Variants in HS6ST3 observed in about 807,000 individuals in gnomAD.
HS6ST3 encodes heparan-sulfate 6-O-sulfotransferase 3.
Under a neutral mutation model 36.7 loss-of-function variants are expected in HS6ST3, and 12 were observed. That is an observed-to-expected ratio of 0.33 (90% CI 0.21 to 0.53). HS6ST3 has a LOEUF of 0.53. Ranked by LOEUF, HS6ST3 falls within the 20% of genes least tolerant of loss-of-function variation. The pLI, the probability that HS6ST3 is intolerant of heterozygous loss-of-function variation, is 0.95. For synonymous variants in HS6ST3, 240 were observed against 257.5 expected (o/e 0.93, Z 0.65); for missense variants, 584 against 640.9 (o/e 0.91, Z 0.96).
chr13:96,473,184 A>G (rs1433712064), intron 1 of HS6ST3, among the ~76,000 whole-genome samples: 1 of 152,162 alleles, frequency 6.6e-6, no homozygotes, highest in Non-Finnish European at 1.5e-5. Context: ...CCATTGACTG[A>G]TATGTAGTTA....
At chr13:96,400,558 G>A (rs2055446135) in intron 1 of HS6ST3, among the ~76,000 whole-genome samples, 1 of 152,124 alleles carries the variant, frequency 6.6e-6, no homozygotes, top group South Asian at 2.1e-4. Flanking sequence ...CTGTTGATGG[G>A]CACTGGGGAG....
rs1353638732 is a variant in HS6ST3 at position 96,091,171 on chromosome 13, A to G, written c.309A>G (p.Glu103=). The G allele has an allele frequency of 1.9e-5, 30 of 1,547,172 alleles. No homozygotes were observed. The highest frequency in any genetic ancestry group is 4.1e-5 in the African/African-American group (3 of 72,844). The change falls in exon 1 of 2, where the codon GAA becomes GAG. Residue 103 remains glutamate (E), a synonymous_variant. Transcript: ENST00000376705. ...EEPGDPREGE[E]EEEEDEPDPE... is the part of the protein sequence containing the mutation. ...CCGGAGACCCCCGGGAGGGGGAGGA[A>G]GAGGAGGAGGAAGACGAGCCGGACC...
At chr13:96,420,917 C>T (rs898540692) in intron 1 of HS6ST3, among the ~76,000 whole-genome samples, 3 of 152,158 alleles carry the variant, frequency 2.0e-5, no homozygotes, top group Non-Finnish European at 4.4e-5. Flanking sequence ...GTTTTCTTAG[C>T]TCCAGTTTGA....
rs2053759279 is a variant in HS6ST3, at chr13:96,091,003, C to G, written c.141C>G (p.Gly47=). 2 of 1,299,408 alleles carry G rather than the reference C, an allele frequency of 1.5e-6. No homozygotes were observed. The highest frequency in any genetic ancestry group is 2.0e-6 in the Non-Finnish European group (2 of 1,018,878). 80.5% of individuals were successfully genotyped at this position (1,299,408 alleles called of 1,614,324 possible). A position where few individuals can be genotyped will look rare whatever the true frequency, so the allele number is the denominator to read the frequency against. ...FGEQPRAGEA[G]PPAVPGPARR... is the part of the protein sequence containing the mutation. ...AGCAGCCCCGCGCGGGGGAGGCCGG[C>G]CCGCCCGCCGTCCCGGGTCCCGCCC... The change falls in exon 1 of 2, where the codon GGC becomes GGG. Residue 47 remains glycine, a synonymous_variant. Transcript: ENST00000376705.
chr13:96,194,042 C>T (rs2054300865), intron 1 of HS6ST3, among the ~76,000 whole-genome samples: 1 of 152,176 alleles, frequency 6.6e-6, no homozygotes, highest in African/African-American at 2.4e-5. Context: ...CGTTTGTGAT[C>T]TGAGCTTTGT....
intron 1 of HS6ST3, among the ~76,000 whole-genome samples, chr13:96,120,847 G>A (rs116535742): frequency 0.017 from 2,567 of 152,270 alleles, 60 homozygotes; most frequent in African/African-American, 0.059. Context: ...AATTGAGGAG[G>A]CTGACATATC....
intron 1 of HS6ST3, among the ~76,000 whole-genome samples, chr13:96,481,210 C>T (rs979347989): frequency 6.6e-6 from 1 of 152,184 alleles, no homozygotes; most frequent in African/African-American, 2.4e-5. Context: ...TGTCTAAAAT[C>T]AAAGTGCACG....
intron 1 of HS6ST3, among the ~76,000 whole-genome samples, chr13:96,535,773 A>G (rs1310095503): frequency 6.6e-6 from 1 of 152,106 alleles, no homozygotes; most frequent in Admixed American, 6.5e-5. Context: ...CTTCTAGAGG[A>G]AGAATCAGTG....
rs202062220 is a variant in HS6ST3, at chr13:96,751,941, G to GCT, written c.708-80548_708-80547dup. ...TGAAAGTTATACAAATAATTTAAAA[G>GCT]CTAAGACTCACAAACTGTTCACTAA... On this transcript the variant is annotated intron_variant, in intron 1 of 1. Transcript: ENST00000376705. 5.3e-3 allele frequency among the ~76,000 whole-genome samples: 803 copies of GCT among 151,330 alleles called. 4 individuals carry two copies. Among genetic ancestry groups the GCT allele is most frequent in the African/African-American group, 0.018 (757 of 41,304 alleles).
intron 1 of HS6ST3, among the ~76,000 whole-genome samples, chr13:96,351,545 C>T (rs944732461): frequency 6.6e-6 from 1 of 152,080 alleles, no homozygotes; most frequent in East Asian, 1.9e-4. Context: ...TTCCTGGGGT[C>T]AAGTGATCTG....
intron 1 of HS6ST3, among the ~76,000 whole-genome samples, chr13:96,831,269 G>A (rs1357605726): frequency 1.3e-5 from 2 of 152,040 alleles, no homozygotes; most frequent in Admixed American, 6.5e-5. Flanking sequence ...AATCCATTAG[G>A]TGGAATTAGA....
chr13:96,655,188 T>G (rs1032078751), intron 1 of HS6ST3, among the ~76,000 whole-genome samples: 14 of 152,134 alleles, frequency 9.2e-5, no homozygotes, highest in African/African-American at 2.9e-4. Context: ...TATTTTATGC[T>G]TTTCAGCTCA....
intron 1 of HS6ST3, among the ~76,000 whole-genome samples, chr13:96,654,882 A>T (rs1326152414): frequency 6.6e-6 from 1 of 152,068 alleles, no homozygotes; most frequent in South Asian, 2.1e-4. Context: ...CACATTCTAG[A>T]TGTGCCTGCT....
intron 1 of HS6ST3, among the ~76,000 whole-genome samples, chr13:96,394,376 G>A (rs1000288771): frequency 6.6e-6 from 1 of 152,000 alleles, no homozygotes; most frequent in Non-Finnish European, 1.5e-5. Flanking sequence ...CACGTCTTGA[G>A]ATAAGGGATA....
intron 1 of HS6ST3, among the ~76,000 whole-genome samples, chr13:96,320,081 C>T (rs532719257): frequency 6.6e-6 from 1 of 152,170 alleles, no homozygotes; most frequent in African/African-American, 2.4e-5. Context: ...AGATGAAAAA[C>T]AAACAAAAAG....
chr13:96,316,348 G>A (rs1036257522), intron 1 of HS6ST3, among the ~76,000 whole-genome samples: 1 of 151,536 alleles, frequency 6.6e-6, no homozygotes, highest in African/African-American at 2.4e-5. Context: ...CTCATTTTAA[G>A]CAAGGGCTTC....
At chr13:96,105,083 A>G (rs1013246561) in intron 1 of HS6ST3, among the ~76,000 whole-genome samples, 5 of 148,208 alleles carry the variant, frequency 3.4e-5, no homozygotes, top group African/African-American at 1.2e-4. Flanking sequence ...AAAAAAAAGA[A>G]AAAGAAAGAA....
At chr13:96,701,087 T>C (rs1003206398) in intron 1 of HS6ST3, among the ~76,000 whole-genome samples, 3 of 152,132 alleles carry the variant, frequency 2.0e-5, no homozygotes, top group Non-Finnish European at 2.9e-5. Flanking sequence ...TTAGCTGATT[T>C]TGGGAGAAAA....
At chr13:96,474,613 C>G (rs781126824) in intron 1 of HS6ST3, among the ~76,000 whole-genome samples, 10 of 152,042 alleles carry the variant, frequency 6.6e-5, no homozygotes, top group Non-Finnish European at 1.5e-4. Context: ...TAATGTAATA[C>G]GTTAATAATT....
Sources: gnomAD v4.1 joint callset for allele counts (sites outside exome capture counted in the v4.1 genomes callset) on GRCh38, gnomAD v4.1.1 for gene constraint, MANE v1.5 for transcripts, NCBI Gene and HGNC (gene_info 2026-07-23, HGNC 2026-07-21) for gene names.